The following DCT variants were observed in gnomAD, a reference collection of about 807,000 sequenced individuals.
DCT encodes L-dopachrome tautomerase.
In DCT, 47 loss-of-function variants were observed where a neutral mutation model predicts 53.0. The observed-to-expected ratio is 0.89, with a 90% CI of 0.70 to 1.13. DCT has a LOEUF of 1.13. Ranked by LOEUF, DCT falls within the 50% of genes most tolerant of loss-of-function variation. The pLI, the probability that DCT is intolerant of heterozygous loss-of-function variation, is 0.00. For synonymous variants in DCT, 244 were observed against 237.0 expected, an observed-to-expected ratio of 1.03 and a Z score of -0.27; for missense variants, 669 against 637.4, an observed-to-expected ratio of 1.05 and a Z score of -0.53.
At chr13:94,465,594 A>T (rs1408130883) in intron 4 of DCT, 39 bp downstream of exon 4, 5 of 1,599,494 alleles carry the variant, frequency 3.1e-6, no homozygotes, top group Non-Finnish European at 4.3e-6. Context: ...ATCAGAAAAG[A>T]CAATCTCTGG....
intron 6 of DCT, among the ~76,000 whole-genome samples, chr13:94,458,959 C>T (rs1883595455): frequency 6.6e-6 from 1 of 152,122 alleles, no homozygotes; most frequent in Non-Finnish European, 1.5e-5. Context: ...TCACTGCAGC[C>T]TCGACCTCCC....
At chr13:94,450,738 G>C (rs1883025952) in intron 6 of DCT, among the ~76,000 whole-genome samples, 1 of 152,148 alleles carries the variant, frequency 6.6e-6, no homozygotes, top group South Asian at 2.1e-4. Flanking sequence ...TGCATCATAA[G>C]TTGACATTAC....
At chr13:94,513,987 C>CAAAAAAAAAAAAAA in the DCT span, among the ~76,000 whole-genome samples, 1 of 53,200 alleles carries the variant, frequency 1.9e-5, no homozygotes, top group Admixed American at 2.4e-4. Flanking sequence ...AACTCTGTCT[C>CAAAAAAAAAAAAAA]AAAAAAAAAA....
chr13:94,517,047 ACTAATTATGTAGTTT>A, the DCT span, among the ~76,000 whole-genome samples: 2 of 152,228 alleles, frequency 1.3e-5, no homozygotes, highest in Non-Finnish European at 2.9e-5. Flanking sequence ...CTCAAGGCAT[ACTAATTATGTAGTTT>A]CTAAAATTTC....
intron 4 of DCT, among the ~76,000 whole-genome samples, chr13:94,463,867 A>G (rs1268354276): frequency 6.6e-6 from 1 of 152,240 alleles, no homozygotes; most frequent in Non-Finnish European, 1.5e-5. Context: ...CCTCCCAGGC[A>G]GCGTTTCCCA....
At chr13:94,476,129 A>G (rs945092462) in intron 1 of DCT, among the ~76,000 whole-genome samples, 1 of 150,936 alleles carries the variant, frequency 6.6e-6, no homozygotes, top group Non-Finnish European at 1.5e-5. Context: ...GACTTAAAGA[A>G]CAGGCCCTAT....
At chr13:94,486,706 T>C in the DCT span, among the ~76,000 whole-genome samples, 2 of 152,190 alleles carry the variant, frequency 1.3e-5, no homozygotes, top group Non-Finnish European at 2.9e-5. Context: ...AATCTTAGGA[T>C]GGTGTTTCTT....
At chr13:94,518,529 C>T in the DCT span, among the ~76,000 whole-genome samples, 1 of 152,194 alleles carries the variant, frequency 6.6e-6, no homozygotes, top group Non-Finnish European at 1.5e-5. Flanking sequence ...CTCTCATCCC[C>T]TTGATGAATC....
intron 5 of DCT, 43 bp from the exon 6 acceptor site, chr13:94,460,269 T>C (rs1318676116): frequency 6.3e-7 from 1 of 1,583,560 alleles, no homozygotes; most frequent in South Asian, 1.1e-5. Context: ...CAAAGACTGA[T>C]AAAGGTCTCT....
At chr13:94,514,088 C>T in the DCT span, among the ~76,000 whole-genome samples, 1 of 150,668 alleles carries the variant, frequency 6.6e-6, no homozygotes, top group Admixed American at 6.6e-5. Flanking sequence ...AACCCTGAGA[C>T]TAGGATCATG....
At chr13:94,511,928 A>G in the DCT span, among the ~76,000 whole-genome samples, 2 of 151,276 alleles carry the variant, frequency 1.3e-5, no homozygotes, top group African/African-American at 4.9e-5. Context: ...CAATGGTGCA[A>G]TCATAGCTCA....
chr13:94,527,467 C>A, the DCT span, among the ~76,000 whole-genome samples: 15 of 152,192 alleles, frequency 9.9e-5, no homozygotes, highest in Admixed American at 9.2e-4. Flanking sequence ...TGTTCTGCAG[C>A]CTCCGCTGGT....
chr13:94,465,747 C>T lies in DCT; in HGVS notation c.749G>A (p.Gly250Glu). The part of the protein sequence containing the change: ...FALPYWNFAT[G>E]RNECDVCTDQ... ...TGTACACACATCACACTCGTTCCTC[C>T]CAGTGGCAAAGTTCCAGTAGGGCAA... The change falls in exon 4 of 8, where the codon GGG (glycine) becomes GAG (glutamate). Residue 250 changes from glycine (G) to glutamate (E), a missense_variant. Physicochemically the swap from Gly to Glu is moderately conservative, Grantham distance 98 (BLOSUM62 -2). Transcript: ENST00000377028. 2.5e-6 allele frequency: 4 copies of T among 1,612,682 alleles called. No homozygotes were observed. Among genetic ancestry groups the T allele is most frequent in the Non-Finnish European group, 3.4e-6 (4 of 1,179,440 alleles).
intron 6 of DCT, chr13:94,445,844 A>T: frequency 2.1e-6 from 2 of 951,914 alleles, no homozygotes; most frequent in Non-Finnish European, 3.2e-6. Context: ...CCGCTGCCCC[A>T]TGCAGAAGTG....
intron 1 of DCT, 79 bp downstream of exon 1, chr13:94,478,882 A>G (rs928462472): frequency 8.7e-5 from 119 of 1,372,162 alleles, no homozygotes; most frequent in Non-Finnish European, 1.1e-4. Flanking sequence ...AGTCTCTGTC[A>G]AGAGTCTCAT....
the DCT span, among the ~76,000 whole-genome samples, chr13:94,489,304 T>C: frequency 6.6e-6 from 1 of 152,060 alleles, no homozygotes. Flanking sequence ...TATAACCCAG[T>C]CAAAATCCCA....
chr13:94,489,975 A>C, the DCT span, among the ~76,000 whole-genome samples: 1 of 152,194 alleles, frequency 6.6e-6, no homozygotes, highest in Non-Finnish European at 1.5e-5. Context: ...CAGCTATGCT[A>C]TTCTGTTAGC....
chr13:94,525,997 G>T, the DCT span, among the ~76,000 whole-genome samples: 1 of 152,202 alleles, frequency 6.6e-6, no homozygotes. Context: ...GCTACAAATG[G>T]GTCAGCACAA....
chr13:94,461,093 A>G (rs1883756274), intron 5 of DCT, among the ~76,000 whole-genome samples: 1 of 152,116 alleles, frequency 6.6e-6, no homozygotes, highest in African/African-American at 2.4e-5. Context: ...GAAAAGGAGG[A>G]TGAATTAGTT....
Sources: allele counts gnomAD v4.1 joint callset (sites outside exome capture counted in the v4.1 genomes callset), GRCh38; gene constraint gnomAD v4.1.1; transcripts MANE v1.5; gene names NCBI Gene and HGNC (gene_info 2026-07-23, HGNC 2026-07-21).